EIF4ENIF1: variants seen among roughly 807,000 people sequenced by gnomAD.
The protein encoded by EIF4ENIF1 is eukaryotic translation initiation factor 4E transporter.
Under a neutral mutation model 110.5 loss-of-function variants are expected in EIF4ENIF1, and 23 were observed. The ratio of observed to expected loss-of-function variants is 0.21; its 90% CI spans 0.15 to 0.29. The LOEUF (loss-of-function observed/expected upper bound fraction) is 0.29, where lower values mean the gene tolerates loss of function less well. EIF4ENIF1 is among the 10% of genes least tolerant of loss of function. EIF4ENIF1 has a pLI of 1.00. For synonymous variants in EIF4ENIF1, 440 were observed against 437.0 expected, an observed-to-expected ratio of 1.01 and a Z score of -0.09; for missense variants, 1,031 against 1,221.1, an observed-to-expected ratio of 0.84 and a Z score of 2.32.
At chr22:31,465,078 C>T (rs1363000222) in intron 4 of EIF4ENIF1, among the ~76,000 whole-genome samples, 1 of 151,922 alleles carries the variant, frequency 6.6e-6, no homozygotes, top group East Asian at 1.9e-4. Context: ...AATCCCAGCA[C>T]TTTGGGAGGC....
intron 3 of EIF4ENIF1, among the ~76,000 whole-genome samples, chr22:31,470,517 G>A (rs1230010431): frequency 5.3e-5 from 8 of 152,048 alleles, no homozygotes. Flanking sequence ...CTGACCTTGT[G>A]ATCTGCCCGC....
At chr22:31,469,259 G>C (rs1461500150) in intron 3 of EIF4ENIF1, among the ~76,000 whole-genome samples, 1 of 152,158 alleles carries the variant, frequency 6.6e-6, no homozygotes, top group Non-Finnish European at 1.5e-5. Flanking sequence ...TCTGCAGAAA[G>C]AACTTCCCAG....
chr22:31,463,553 G>C, intron 5 of EIF4ENIF1, 128 bp downstream of exon 5: 1 of 905,806 alleles, frequency 1.1e-6, no homozygotes, highest in Non-Finnish European at 1.6e-6. Flanking sequence ...ATGGTGGTGC[G>C]TGCCTATAAT....
chr22:31,445,007 TAAC>T (rs1360282404), intron 14 of EIF4ENIF1, among the ~76,000 whole-genome samples: 1 of 152,030 alleles, frequency 6.6e-6, no homozygotes, highest in Non-Finnish European at 1.5e-5. Flanking sequence ...TTAGAAGAAA[TAAC>T]AAGGCACTGC....
rs377344907 is a variant in EIF4ENIF1, at chr22:31,455,345, T to C, written c.1100-30A>G. ...TATTGCAAATAAACATACTCAAAAT[T>C]AATCTGTTCCAGTAAAGAAACATGC... On this transcript the variant is annotated intron_variant, in intron 8 of 18. Coordinates refer to ENST00000330125, the MANE Select transcript of EIF4ENIF1 (RefSeq NM_019843.4). The C allele has an allele frequency of 1.8e-5, 27 of 1,481,618 alleles. No homozygotes were observed. In the African/African-American group the frequency reaches 3.3e-4, roughly 18 times the overall value. 91.8% of individuals were successfully genotyped at this position (1,481,618 alleles called of 1,614,324 possible).
In EIF4ENIF1 at chr22:31,439,612, C is replaced by G. The variant is rs1440132198; in HGVS notation, c.*268G>C. The stretch of plus-strand genomic sequence containing the variant: ...AGGTGCCACCTCTTGGTGAGGACAC[C>G]AACACTTCATTCACATATCTTACAA... On this transcript the variant is annotated 3_prime_UTR_variant, in exon 19 of 19. Transcript: ENST00000330125. 2.1e-6 allele frequency: 1 copy of G among 480,626 alleles called. No individual in the cohort carries two copies. Among genetic ancestry groups the G allele is most frequent in the Non-Finnish European group, 3.7e-6 (1 of 273,134 alleles). 29.8% of individuals were successfully genotyped at this position (480,626 alleles called of 1,614,324 possible).
Position 31,440,804 on chromosome 22 carries a change from C to T in EIF4ENIF1, c.2616G>A (p.Gln872=), listed in dbSNP as rs1046802127. The change falls in exon 18 of 19, where the codon CAG becomes CAA. Residue 872 remains glutamine, a synonymous_variant. Coordinates refer to ENST00000330125, the MANE Select transcript of EIF4ENIF1 (RefSeq NM_019843.4). ...LQGISGPILG[Q]PFYPLPAASH... is the part of the protein sequence containing the mutation. ...TAGCAGCAGGTAAAGGGTAAAAGGG[C>T]TGACCCAGGATGGGGCCAGATATTC... 3.1e-6 allele frequency: 5 copies of T among 1,613,860 alleles called. No homozygotes were observed. In the African/African-American group the frequency reaches 4.0e-5, roughly 13 times the overall value.
In EIF4ENIF1 at chr22:31,475,777, C is replaced by T. The variant is rs372245705; in HGVS notation, c.97-3860G>A. Among the ~76,000 whole-genome samples, 39 of 150,788 alleles carry T rather than the reference C, an allele frequency of 2.6e-4. No homozygotes were observed. The East Asian group carries it at 4.9e-3, about 19-fold the overall frequency. On this transcript the variant is annotated intron_variant, in intron 2 of 18. Transcript: ENST00000330125. ...GTGGTCCCCGCTACTCAGGAGGCTGCGGTGGGAGGGTCACTTGAGGTCAAG... is the reference window on the plus strand; with the variant it reads ...GTGGTCCCCGCTACTCAGGAGGCTGTGGTGGGAGGGTCACTTGAGGTCAAG...
At chr22:31,467,279 G>T (rs1284699905) in intron 4 of EIF4ENIF1, among the ~76,000 whole-genome samples, 2 of 152,112 alleles carry the variant, frequency 1.3e-5, no homozygotes, top group African/African-American at 4.8e-5. Flanking sequence ...GGGTCTTATA[G>T]CTTAAACTAG....
intron 2 of EIF4ENIF1, among the ~76,000 whole-genome samples, chr22:31,480,664 A>G (rs1488613174): frequency 1.3e-5 from 2 of 152,178 alleles, no homozygotes; most frequent in African/African-American, 2.4e-5. Flanking sequence ...CTAAGGCAGG[A>G]GAATCGCTTG....
In EIF4ENIF1 at chr22:31,450,305, G is replaced by T; in HGVS notation, c.1568C>A (p.Pro523His). ...GTGAAGTACCTGCAGGATGTTCTTAGGGACAGGCTGGCCTGGAATCTCAGC... is the reference window on the plus strand; with the variant it reads ...GTGAAGTACCTGCAGGATGTTCTTATGGACAGGCTGGCCTGGAATCTCAGC... Reference protein sequence around the residue: ...SPAEIPGQPVPKNILQELLGQ... With the variant: ...SPAEIPGQPVHKNILQELLGQ... Residue 523 changes from proline to histidine, a missense_variant, in exon 11 of 19, where the codon CCT becomes CAT. Around this residue, in one of 3 missense-constraint regions of EIF4ENIF1, gnomAD observed 704 missense variants for 879.7 expected, o/e 0.80. Coordinates refer to ENST00000330125, the MANE Select transcript of EIF4ENIF1 (RefSeq NM_019843.4). 6.2e-7 allele frequency: 1 copy of T among 1,613,452 alleles called. No homozygotes were observed. The highest frequency in any genetic ancestry group is 8.5e-7 in the Non-Finnish European group (1 of 1,179,530).
At chr22:31,472,740 T>C (rs1028794857) in intron 2 of EIF4ENIF1, among the ~76,000 whole-genome samples, 3 of 152,348 alleles carry the variant, frequency 2.0e-5, no homozygotes, top group Non-Finnish European at 4.4e-5. Context: ...GATATTTTGT[T>C]ACATGTATAA....
intron 3 of EIF4ENIF1, 88 bp downstream of exon 3, chr22:31,471,756 C>G (rs1415868044): frequency 3.3e-6 from 4 of 1,227,144 alleles, no homozygotes; most frequent in African/African-American, 1.6e-5. Flanking sequence ...CAGAAAACTT[C>G]AAAACAATAC....
In EIF4ENIF1 at chr22:31,485,854, A is replaced by G. The variant is rs1018963739; in HGVS notation, c.96+2769T>C. Among the ~76,000 whole-genome samples, 23 of 152,086 alleles carry G rather than the reference A, an allele frequency of 1.5e-4. 1 individual carries two copies. The highest frequency in any genetic ancestry group is 5.8e-4 in the East Asian group (3 of 5,176). Reference sequence around the variant, plus strand: ...GAAGGGGCCAGGCTCGGTGGCTCACACCTATAATCCCAGCACTTTGGGAGG... The same window carrying G: ...GAAGGGGCCAGGCTCGGTGGCTCACGCCTATAATCCCAGCACTTTGGGAGG... On this transcript the variant is annotated intron_variant, in intron 2 of 18. Coordinates refer to ENST00000330125, the MANE Select transcript of EIF4ENIF1 (RefSeq NM_019843.4).
Position 31,441,824 on chromosome 22 carries a change from A to T in EIF4ENIF1, c.2501T>A (p.Met834Lys), listed in dbSNP as rs746609513. The change falls in exon 17 of 19, where the codon ATG becomes AAG. Residue 834 changes from methionine to lysine, a missense_variant. Transcript: ENST00000330125. ...CTGTGGATGTACTCCCTGGGCCAGCATCCTCTGTACCAACCCTGGGTGAAG... is the reference window on the plus strand; with the variant it reads ...CTGTGGATGTACTCCCTGGGCCAGCTTCCTCTGTACCAACCCTGGGTGAAG... ...HQLHPGLVQR[M>K]LAQGVHPQHL... 6.2e-7 allele frequency: 1 copy of T among 1,614,114 alleles called. No individual in the cohort carries two copies. The highest frequency in any genetic ancestry group is 1.7e-5 in the Admixed American group (1 of 60,016).
At chr22:31,468,323 C>T in intron 3 of EIF4ENIF1, 21 bp from the exon 4 acceptor site, 7 of 1,614,136 alleles carry the variant, frequency 4.3e-6, no homozygotes, top group Non-Finnish European at 5.9e-6. Context: ...AAAAATACAA[C>T]TGTTAGCACT....
chr22:31,450,309 C>G lies in EIF4ENIF1; in HGVS notation c.1564G>C (p.Val522Leu). The stretch of plus-strand genomic sequence containing the variant: ...AGTACCTGCAGGATGTTCTTAGGGA[C>G]AGGCTGGCCTGGAATCTCAGCAGGG... ...MSPAEIPGQPVPKNILQELLG... is the reference protein window; with the variant it reads ...MSPAEIPGQPLPKNILQELLG... Residue 522 changes from valine to leucine, a missense_variant, in exon 11 of 19, where the codon GTC (valine) becomes CTC (leucine). By Grantham distance (32) the Val-to-Leu change is conservative. Around this residue, in one of 3 missense-constraint regions of EIF4ENIF1, gnomAD observed 704 missense variants for 879.7 expected, o/e 0.80. Transcript: ENST00000330125. The G allele has an allele frequency of 6.2e-7, 1 of 1,613,554 alleles. No homozygotes were observed. Among genetic ancestry groups the G allele is most frequent in the Non-Finnish European group, 8.5e-7 (1 of 1,179,588 alleles).
chr22:31,471,831 A>C lies in EIF4ENIF1; in HGVS notation c.170+13T>G, dbSNP rs1370695125. On this transcript the variant is annotated intron_variant, in intron 3 of 18. Transcript: ENST00000330125. ...TGACTAGAAGTAGTTAAGGACTAGA[A>C]TGACACACATACCTGTCATATTTTT... The C allele has an allele frequency of 6.3e-7, 1 of 1,594,184 alleles. No individual in the cohort carries two copies. Among genetic ancestry groups the C allele is most frequent in the East Asian group, 2.3e-5 (1 of 43,982 alleles).
intron 10 of EIF4ENIF1, among the ~76,000 whole-genome samples, chr22:31,452,498 T>G (rs1462948888): frequency 6.6e-6 from 1 of 152,118 alleles, no homozygotes; most frequent in Non-Finnish European, 1.5e-5. Flanking sequence ...ACAACTCGAG[T>G]AAATTGTGTT....
Sources: allele counts gnomAD v4.1 joint callset (sites outside exome capture counted in the v4.1 genomes callset), GRCh38; gene constraint gnomAD v4.1.1; regional missense constraint gnomAD v4.1.1; transcripts MANE v1.5; gene names NCBI Gene and HGNC (gene_info 2026-07-23, HGNC 2026-07-21).